KCNC4: variants seen among roughly 807,000 people sequenced by gnomAD.
KCNC4 encodes voltage-gated potassium channel KCNC4.
Under a neutral mutation model 42.8 loss-of-function variants are expected in KCNC4, and 23 were observed. The observed-to-expected ratio is 0.54, with a 90% CI of 0.39 to 0.76. KCNC4 has a LOEUF of 0.76. Among genes scored for constraint, KCNC4 ranks in the 30% least tolerant of loss-of-function variants. The pLI, the probability that KCNC4 is intolerant of heterozygous loss-of-function variation, is 0.00. For synonymous variants in KCNC4, 422 were observed against 393.5 expected (o/e 1.07, Z -0.86); for missense variants, 751 against 898.2 (o/e 0.84, Z 2.10).
chr1:110,280,966 C>T (rs1037872485), intron 1 of KCNC4, among the ~76,000 whole-genome samples: 4 of 152,096 alleles, frequency 2.6e-5, no homozygotes, highest in African/African-American at 4.8e-5. Flanking sequence ...GAGCCCTCCT[C>T]GAAGCAAACA....
At chr1:110,268,513 G>A (rs1025633705) in intron 1 of KCNC4, among the ~76,000 whole-genome samples, 8 of 150,730 alleles carry the variant, frequency 5.3e-5, no homozygotes, top group African/African-American at 2.0e-4. Context: ...GGCTGAGGCG[G>A]GAGAATGGCG....
rs1193688503 is a variant in KCNC4 at position 110,232,983 on chromosome 1, A to G, written c.*11A>G. 1.2e-6 allele frequency: 2 copies of G among 1,609,358 alleles called. No homozygotes were observed. ...CTCACCCTCTCTTAAAGCGGCACCA[A>G]CGTGAGAGAGACAGGCAGACAGACA... On this transcript the variant is annotated 3_prime_UTR_variant, in exon 4 of 4. Coordinates refer to ENST00000438661, the MANE Select transcript of KCNC4 (RefSeq NM_001039574.3).
intron 1 of KCNC4, among the ~76,000 whole-genome samples, chr1:110,217,490 C>A (rs1657860898): frequency 1.3e-5 from 2 of 152,298 alleles, no homozygotes; most frequent in African/African-American, 4.8e-5. Flanking sequence ...CCAGCTCAAG[C>A]AGAGCTTGGA....
chr1:110,259,236 T>C (rs909584444), intron 1 of KCNC4, among the ~76,000 whole-genome samples: 9 of 152,174 alleles, frequency 5.9e-5, no homozygotes, highest in African/African-American at 2.2e-4. Context: ...AGCATGTGAC[T>C]AGGGCACACG....
downstream of KCNC4, among the ~76,000 whole-genome samples, chr1:110,249,493 C>G (rs762613606): frequency 1.3e-5 from 2 of 152,158 alleles, no homozygotes; most frequent in Non-Finnish European, 2.9e-5. Context: ...TCCCTCGGCC[C>G]GACTTCAGCA....
intron 1 of KCNC4, among the ~76,000 whole-genome samples, chr1:110,280,565 T>C (rs1168777079): frequency 1.3e-5 from 2 of 152,104 alleles, no homozygotes; most frequent in Admixed American, 6.5e-5. Context: ...GAGTCTAGCC[T>C]GGTCCGCTGC....
Position 110,257,720 on chromosome 1 carries a change from C to CAAAA in KCNC4, n.31-24795_31-24792dup, listed in dbSNP as rs56333861. Among the ~76,000 whole-genome samples the CAAAA allele has an allele frequency of 2.6e-4, 24 of 90,970 alleles. 3 individuals are homozygous for CAAAA. Among genetic ancestry groups the CAAAA allele is most frequent in the African/African-American group, 5.4e-4 (11 of 20,204 alleles). The allele number at this position is 90,970 out of a possible 152,430, so 59.7% of individuals were successfully genotyped here. ...TTGGCAACAGAGCGAGACTCCGTCT[C>CAAAA]AAAAAAAAAAAAAAAAAAAAAAGTC... On this transcript the variant is annotated intron_variant and non_coding_transcript_variant, in intron 1 of 2. Transcript: ENST00000412512.
intron 1 of KCNC4, among the ~76,000 whole-genome samples, chr1:110,282,148 G>A (rs1022733700): frequency 2.6e-5 from 4 of 152,156 alleles, no homozygotes; most frequent in South Asian, 2.1e-4. Context: ...AATGCCTTCC[G>A]CTTTAGCTTA....
intron 1 of KCNC4, among the ~76,000 whole-genome samples, chr1:110,218,473 C>A (rs1021980499): frequency 6.6e-6 from 1 of 152,174 alleles, no homozygotes; most frequent in Non-Finnish European, 1.5e-5. Context: ...CCCCTATCCT[C>A]CCACCCGTTA....
At position 110,223,188 on chromosome 1, in the gene KCNC4, G is replaced by A. The variant is rs762542707; in HGVS notation, c.903G>A (p.Val301=). The change falls in exon 2 of 4, where the codon GTG becomes GTA. Residue 301 remains valine (V), a synonymous_variant. Coordinates refer to ENST00000438661, the MANE Select transcript of KCNC4 (RefSeq NM_001039574.3). The surrounding 1 kb of genome is among the most constrained non-coding windows in gnomAD (Gnocchi z 7.5). ...CACTGGAGTTCCTGGTGCGCATCGTGTGCTGCCCCGACACGCTGGACTTCG... is the reference window on the plus strand; with the variant it reads ...CACTGGAGTTCCTGGTGCGCATCGTATGCTGCCCCGACACGCTGGACTTCG... ...WFTLEFLVRI[V]CCPDTLDFVK... is the part of the protein sequence containing the mutation. 11 of 1,614,104 alleles carry A rather than the reference G, an allele frequency of 6.8e-6. 1 individual carries two copies. The Admixed American group carries it at 8.3e-5, about 12-fold the overall frequency.
At chr1:110,232,779 G>A (rs1658761681) in intron 3 of KCNC4, 132 bp from the exon 4 acceptor site, 1 of 1,539,660 alleles carries the variant, frequency 6.5e-7, no homozygotes, top group South Asian at 1.2e-5. Context: ...TCAGCAGCTG[G>A]CTTCCTTCTA....
intron 1 of KCNC4, among the ~76,000 whole-genome samples, chr1:110,275,190 T>A (rs72694473): frequency 5.3e-5 from 8 of 151,856 alleles, no homozygotes; most frequent in Non-Finnish European, 1.0e-4. Flanking sequence ...CATTAAAAAG[T>A]GGGCAAAGGA....
At chr1:110,215,492 C>T (rs963354217) in intron 1 of KCNC4, among the ~76,000 whole-genome samples, 4 of 152,192 alleles carry the variant, frequency 2.6e-5, no homozygotes, top group African/African-American at 9.7e-5. Flanking sequence ...CTTCCCCTAC[C>T]CTAGTCTCCA....
exon 4 of KCNC4, chr1:110,241,603 G>A (rs1219455254): frequency 6.6e-6 from 1 of 152,234 alleles, no homozygotes; most frequent in Non-Finnish European, 1.5e-5. Flanking sequence ...GAGCGCAAAA[G>A]AGAAATCCAA....
intron 1 of KCNC4, among the ~76,000 whole-genome samples, chr1:110,266,785 C>T (rs906119940): frequency 6.6e-6 from 1 of 152,146 alleles, no homozygotes; most frequent in East Asian, 1.9e-4. Context: ...CATCTGTACC[C>T]CAAGGGACCC....
chr1:110,264,244 C>T (rs1259258218), intron 1 of KCNC4, among the ~76,000 whole-genome samples: 1 of 152,184 alleles, frequency 6.6e-6, no homozygotes, highest in African/African-American at 2.4e-5. Context: ...TAAATCAATA[C>T]ATAGAGTCTG....
chr1:110,230,621 G>A (rs1202321966), intron 3 of KCNC4, among the ~76,000 whole-genome samples: 4 of 152,214 alleles, frequency 2.6e-5, no homozygotes, highest in African/African-American at 7.2e-5. Context: ...GCACCCCTAC[G>A]GTGGGCACAG....
exon 4 of KCNC4, chr1:110,241,604 A>G (rs1436677634): frequency 6.6e-6 from 1 of 152,242 alleles, no homozygotes; most frequent in Non-Finnish European, 1.5e-5. Flanking sequence ...AGCGCAAAAG[A>G]GAAATCCAAA....
rs112967754 is a variant in KCNC4, at chr1:110,270,631, GAACA to G, written n.31-11898_31-11895del. ...GCTGAGCGAATGACCTTCAAGAAAGGAACAAACAGGTGCAAGGGAGCTGGTTGTG... is the reference window on the plus strand; with the variant it reads ...GCTGAGCGAATGACCTTCAAGAAAGGAACAGGTGCAAGGGAGCTGGTTGTG... On this transcript the variant is annotated intron_variant and non_coding_transcript_variant, in intron 1 of 2. Transcript: ENST00000412512. 9.5e-3 allele frequency among the ~76,000 whole-genome samples: 1,449 copies of G among 152,324 alleles called. 19 individuals are homozygous for G. Among genetic ancestry groups the G allele is most frequent in the African/African-American group, 0.034 (1,394 of 41,568 alleles).
Sources: gnomAD v4.1 joint callset for allele counts (sites outside exome capture counted in the v4.1 genomes callset) on GRCh38, gnomAD v4.1.1 for gene constraint, Gnocchi (gnomAD v3.1) non-coding constraint, MANE v1.5 for transcripts, NCBI Gene and HGNC (gene_info 2026-07-23, HGNC 2026-07-21) for gene names.